The following NLK variants were observed in gnomAD, a reference collection of about 807,000 sequenced individuals.
NLK encodes serine/threonine-protein kinase NLK.
In NLK, 11 loss-of-function variants were observed where a neutral mutation model predicts 59.0. That is an observed-to-expected ratio of 0.19 (90% CI 0.12 to 0.31). NLK has a LOEUF of 0.31. Among genes scored for constraint, NLK ranks in the 10% least tolerant of loss-of-function variants. The pLI is 1.00. For synonymous variants in NLK, 235 were observed against 235.9 expected (o/e 1.00, Z 0.03); for missense variants, 410 against 661.1 (o/e 0.62, Z 4.16).
intron 3 of NLK, among the ~76,000 whole-genome samples, chr17:28,145,612 A>G (rs1385502451): frequency 2.0e-5 from 3 of 152,220 alleles, no homozygotes; most frequent in African/African-American, 4.8e-5. Context: ...ATGAGACCAC[A>G]TTAATAAAAA....
chr17:28,133,919 A>G (rs1202032118), intron 3 of NLK, among the ~76,000 whole-genome samples: 1 of 152,138 alleles, frequency 6.6e-6, no homozygotes, highest in Admixed American at 6.5e-5. Context: ...GAGCTTCCCA[A>G]GAGAACTAAG....
Position 28,122,596 on chromosome 17 carries a change from T to G in NLK, c.459-7T>G, listed in dbSNP as rs770843185. On this transcript the variant is annotated splice_region_variant and splice_polypyrimidine_tract_variant and intron_variant, in intron 1 of 10. Coordinates refer to ENST00000407008, the MANE Select transcript of NLK (RefSeq NM_016231.5). ...TTTTTCCCCTTCCCCAAATATTGCT[T>G]CTTTAGGTCAGTAACAGATCCAAGA... 1 of 1,613,090 alleles carries G rather than the reference T, an allele frequency of 6.2e-7. No homozygotes were observed. Among genetic ancestry groups the G allele is most frequent in the Non-Finnish European group, 8.5e-7 (1 of 1,179,576 alleles).
chr17:28,060,888 T>G (rs568181904), intron 1 of NLK, among the ~76,000 whole-genome samples: 1 of 152,354 alleles, frequency 6.6e-6, no homozygotes, highest in South Asian at 2.1e-4. Context: ...ATCATTGACC[T>G]TAGATACAAA....
At chr17:28,116,844 G>A (rs1870547) in intron 1 of NLK, among the ~76,000 whole-genome samples, 5,182 of 152,244 alleles carry the variant, frequency 0.034, 189 homozygotes, top group Admixed American at 0.12. Context: ...GTGCATTTTT[G>A]TGTGACATAT....
At chr17:28,200,392 C>A (rs780804390), downstream of NLK, among the ~76,000 whole-genome samples, 50 of 152,270 alleles carry the variant, frequency 3.3e-4, no homozygotes, top group Middle Eastern at 3.4e-3. Context: ...TATTCAGACA[C>A]CATTGTTGGC....
intron 3 of NLK, among the ~76,000 whole-genome samples, chr17:28,154,072 C>T (rs1372797917): frequency 6.6e-6 from 1 of 152,104 alleles, no homozygotes; most frequent in Non-Finnish European, 1.5e-5. Flanking sequence ...TACTACCATT[C>T]CTTCCTGTAG....
intron 1 of NLK, among the ~76,000 whole-genome samples, chr17:28,099,986 T>C (rs1293233384): frequency 6.6e-6 from 1 of 152,250 alleles, no homozygotes; most frequent in Non-Finnish European, 1.5e-5. Flanking sequence ...TGTACCAACA[T>C]TTATTTGTGT....
chr17:28,191,722 G>T (rs529926787), intron 9 of NLK, among the ~76,000 whole-genome samples: 12 of 152,270 alleles, frequency 7.9e-5, no homozygotes, highest in African/African-American at 2.9e-4. Context: ...ACAAGAGAGA[G>T]AGTAGTCCCC....
intron 1 of NLK, among the ~76,000 whole-genome samples, chr17:28,088,435 T>C (rs1388906275): frequency 1.3e-5 from 2 of 152,336 alleles, no homozygotes; most frequent in Non-Finnish European, 2.9e-5. Context: ...TCTATTTGAT[T>C]ACTTGTTGGT....
intron 1 of NLK, among the ~76,000 whole-genome samples, chr17:28,100,962 A>G (rs1224575384): frequency 6.6e-6 from 1 of 152,176 alleles, no homozygotes; most frequent in African/African-American, 2.4e-5. Flanking sequence ...AGTTGTGTAT[A>G]GTGTGAGAGT....
intron 7 of NLK, among the ~76,000 whole-genome samples, chr17:28,183,680 A>G (rs571686557): frequency 9.2e-5 from 14 of 152,242 alleles, no homozygotes; most frequent in Non-Finnish European, 1.8e-4. Context: ...GCTTTGACCT[A>G]CCAAACTTTC....
At chr17:28,134,797 C>A (rs553413699) in intron 3 of NLK, among the ~76,000 whole-genome samples, 1 of 152,170 alleles carries the variant, frequency 6.6e-6, no homozygotes, top group African/African-American at 2.4e-5. Flanking sequence ...ATAGCTGAAA[C>A]CTTGAACCTG....
chr17:28,106,388 A>C (rs1905081396), intron 1 of NLK, among the ~76,000 whole-genome samples: 1 of 152,328 alleles, frequency 6.6e-6, no homozygotes, highest in African/African-American at 2.4e-5. Flanking sequence ...GGTATATCTT[A>C]TATACTGCTT....
chr17:28,169,266 G>T (rs1908366745), intron 6 of NLK, among the ~76,000 whole-genome samples: 3 of 152,218 alleles, frequency 2.0e-5, no homozygotes, highest in Admixed American at 6.5e-5. Context: ...TCAGTTGTTA[G>T]AAGGCCTCTC....
intron 6 of NLK, among the ~76,000 whole-genome samples, chr17:28,169,019 G>A (rs1223652969): frequency 6.6e-6 from 1 of 152,110 alleles, no homozygotes; most frequent in African/African-American, 2.4e-5. Context: ...CCAAGTAGCT[G>A]GGATTACAGG....
intron 7 of NLK, among the ~76,000 whole-genome samples, chr17:28,180,044 G>A (rs531656712): frequency 1.1e-4 from 16 of 152,190 alleles, no homozygotes; most frequent in African/African-American, 1.2e-4. Context: ...GTAGCACTTC[G>A]TCTTTCCTGT....
downstream of NLK, among the ~76,000 whole-genome samples, chr17:28,197,674 CAT>C (rs1301488949): frequency 2.0e-5 from 3 of 151,912 alleles, no homozygotes; most frequent in East Asian, 1.9e-4. Context: ...AGTTTAAGAA[CAT>C]GTGGAAGATG....
At chr17:28,191,917 C>G (rs749974099) in intron 9 of NLK, among the ~76,000 whole-genome samples, 9 of 152,142 alleles carry the variant, frequency 5.9e-5, no homozygotes, top group Non-Finnish European at 1.2e-4. Context: ...GTAATGCCAC[C>G]AGTAGGTTTC....
intron 7 of NLK, among the ~76,000 whole-genome samples, chr17:28,183,028 A>G (rs1394154644): frequency 6.6e-6 from 1 of 152,236 alleles, no homozygotes; most frequent in Non-Finnish European, 1.5e-5. Context: ...TCAAAGTTTT[A>G]TAGGGAACCC....
Sources: allele counts gnomAD v4.1 joint callset (sites outside exome capture counted in the v4.1 genomes callset), GRCh38; gene constraint gnomAD v4.1.1; transcripts MANE v1.5; gene names NCBI Gene and HGNC (gene_info 2026-07-23, HGNC 2026-07-21).